TTC3: variants seen among roughly 807,000 people sequenced by gnomAD.
TTC3 encodes tetratricopeptide repeat domain 3, also known as E3 ubiquitin-protein ligase TTC3.
TTC3 carries 180 observed loss-of-function variants against 249.6 expected under a neutral mutation model. The ratio of observed to expected loss-of-function variants is 0.72; its 90% CI spans 0.64 to 0.82. The LOEUF (loss-of-function observed/expected upper bound fraction) is 0.82. Ranked by LOEUF, TTC3 falls within the 40% of genes least tolerant of loss-of-function variation. The pLI is 0.00. For synonymous variants in TTC3, 717 were observed against 805.0 expected, an observed-to-expected ratio of 0.89 and a Z score of 1.85; for missense variants, 2,061 against 2,398.4, an observed-to-expected ratio of 0.86 and a Z score of 2.94.
At chr21:37,088,430 C>T in intron 4 of TTC3, 84 bp downstream of exon 4, 1 of 1,477,534 alleles carries the variant, frequency 6.8e-7, no homozygotes, top group South Asian at 1.3e-5. Flanking sequence ...CAATGGAAGG[C>T]TTATGTCTTA....
intron 1 of TTC3, chr21:37,083,009 C>G (rs879473776): frequency 1.0e-6 from 1 of 985,270 alleles, no homozygotes; most frequent in Non-Finnish European, 1.2e-6. Context: ...AATATATCCT[C>G]TGGATCCATA....
intron 14 of TTC3, among the ~76,000 whole-genome samples, chr21:37,125,738 T>C (rs1007083313): frequency 6.6e-5 from 10 of 152,196 alleles, no homozygotes; most frequent in Admixed American, 6.5e-4. Context: ...TACTCCAATT[T>C]ATATTTTAAA....
chr21:37,125,988 C>G (rs944450447), intron 14 of TTC3, 92 bp from the exon 15 acceptor site: 2 of 1,223,164 alleles, frequency 1.6e-6, no homozygotes, highest in Non-Finnish European at 2.3e-6. Context: ...GAATTCTATC[C>G]TATTCTATTC....
At chr21:37,097,999 G>T (rs2074111812) in intron 10 of TTC3, 1 of 708,214 alleles carries the variant, frequency 1.4e-6, no homozygotes, top group East Asian at 2.7e-5. Context: ...AACCACCTTG[G>T]AGAATACCGC....
exon 25 of TTC3, chr21:37,150,850 C>T (rs772762977): frequency 6.2e-7 from 1 of 1,610,928 alleles, no homozygotes; most frequent in South Asian, 1.1e-5. Context: ...AGAAAAGGTT[C>T]CTCCAAGACC....
intron 1 of TTC3, among the ~76,000 whole-genome samples, chr21:37,077,774 GAGTTGTCT>G (rs1285165112): frequency 6.6e-6 from 1 of 152,080 alleles, no homozygotes; most frequent in Non-Finnish European, 1.5e-5. Context: ...TTGTTCTGAT[GAGTTGTCT>G]TTTAAAACTG....
At chr21:37,177,807 A>G (rs545549674) in intron 35 of TTC3, among the ~76,000 whole-genome samples, 9 of 152,340 alleles carry the variant, frequency 5.9e-5, no homozygotes, top group Admixed American at 3.3e-4. Flanking sequence ...TTATCATTTT[A>G]TAACATCTTT....
chr21:37,167,741 G>T, intron 34 of TTC3, 121 bp downstream of exon 34: 1 of 584,336 alleles, frequency 1.7e-6, no homozygotes. Flanking sequence ...CATGGAATAA[G>T]CTTGAGAACA....
chr21:37,200,666 T>C (rs943785102), intron 45 of TTC3, among the ~76,000 whole-genome samples: 1 of 152,158 alleles, frequency 6.6e-6, no homozygotes, highest in African/African-American at 2.4e-5. Context: ...TTTGACTTAG[T>C]GTAGTATATG....
At chr21:37,162,207 T>A (rs986894600) in intron 31 of TTC3, 144 bp downstream of exon 31, 6 of 517,194 alleles carry the variant, frequency 1.2e-5, no homozygotes, top group Non-Finnish European at 2.0e-5. Flanking sequence ...CTGATGTAAT[T>A]CCATCTTGAT....
chr21:37,147,505 G>A (rs144650334), exon 22 of TTC3: 1 of 1,607,422 alleles, frequency 6.2e-7, no homozygotes. Flanking sequence ...ATTTGTTGAA[G>A]AATGCAAGTT....
intron 4 of TTC3, 152 bp downstream of exon 4, chr21:37,088,498 T>A: frequency 1.0e-6 from 1 of 992,300 alleles, no homozygotes; most frequent in Non-Finnish European, 1.5e-6. Flanking sequence ...TACTTGAGAT[T>A]TGGATATGAA....
chr21:37,126,804 T>A (rs1403349415), intron 15 of TTC3, among the ~76,000 whole-genome samples: 1 of 152,132 alleles, frequency 6.6e-6, no homozygotes, highest in East Asian at 1.9e-4. Context: ...TTTGCCGTGT[T>A]CTCATGTAGT....
At chr21:37,133,236 A>G (rs2147926234) in intron 17 of TTC3, among the ~76,000 whole-genome samples, 1 of 152,284 alleles carries the variant, frequency 6.6e-6, no homozygotes, top group South Asian at 2.1e-4. Context: ...TATTCTTTAA[A>G]TGATTTAACT....
chr21:37,192,355 A>AT, intron 41 of TTC3, 142 bp downstream of exon 41: 1 of 576,980 alleles, frequency 1.7e-6, no homozygotes, highest in Non-Finnish European at 3.1e-6. Flanking sequence ...GGTGCTACTG[A>AT]TTAACCTTTT....
chr21:37,137,727 T>G (rs182316762), intron 18 of TTC3, among the ~76,000 whole-genome samples: 42 of 152,310 alleles, frequency 2.8e-4, no homozygotes, highest in African/African-American at 1.0e-3. Flanking sequence ...GGTAAAATAC[T>G]GTCAAACAGC....
chr21:37,167,651 G>A, intron 34 of TTC3, 31 bp downstream of exon 34: 1 of 1,560,932 alleles, frequency 6.4e-7, no homozygotes, highest in South Asian at 1.1e-5. Context: ...ACTGTTTAAA[G>A]GTTTAGTTTT....
chr21:37,103,347 A>C (rs932171644), intron 10 of TTC3, among the ~76,000 whole-genome samples: 1 of 152,222 alleles, frequency 6.6e-6, no homozygotes, highest in Non-Finnish European at 1.5e-5. Context: ...CATGTCACAC[A>C]GTCTTCAAGA....
In TTC3 at chr21:37,144,641, TAA is replaced by T; in HGVS notation, c.1891_1892del (p.Lys631AspfsTer8). On this transcript the variant is annotated frameshift_variant and splice_region_variant, in exon 21 of 46. Transcript: ENST00000355666. LOFTEE classifies it high-confidence loss of function. ...ATTGAAGAGTCTCAGCCACAAAAAA[TAA>T]AGGTAACCATTTATTTTTGCAGAGT... The T allele has an allele frequency of 6.2e-7, 1 of 1,606,998 alleles. No individual in the cohort carries two copies. The highest frequency in any genetic ancestry group is 1.3e-5 in the African/African-American group (1 of 74,726).
Sources: gnomAD v4.1 joint callset for allele counts (sites outside exome capture counted in the v4.1 genomes callset) on GRCh38, gnomAD v4.1.1 for gene constraint, MANE v1.5 for transcripts, NCBI Gene and HGNC (gene_info 2026-07-23, HGNC 2026-07-21) for gene names.